The following PSEN1 variants were observed in gnomAD, a reference collection of about 807,000 sequenced individuals.
PSEN1 encodes the protein presenilin-1.
Under a neutral mutation model 53.5 loss-of-function variants are expected in PSEN1, and 15 were observed. That is an observed-to-expected ratio of 0.28 (90% CI 0.19 to 0.43). PSEN1 has a LOEUF of 0.43. PSEN1 is among the 20% of genes least tolerant of loss of function. The pLI, the probability that PSEN1 is intolerant of heterozygous loss-of-function variation, is 1.00. For synonymous variants in PSEN1, 208 were observed against 209.8 expected (o/e 0.99, Z 0.08); for missense variants, 387 against 571.2 (o/e 0.68, Z 3.29).
chr14:73,160,573 T>C (rs1001089082), intron 3 of PSEN1, among the ~76,000 whole-genome samples: 1 of 152,140 alleles, frequency 6.6e-6, no homozygotes, highest in African/African-American at 2.4e-5. Context: ...TTACTTTCTG[T>C]TTTTTGGTAG....
Position 73,211,811 on chromosome 14 carries a change from A to T in PSEN1, c.998A>T (p.Asp333Val), listed in dbSNP as rs121917809. The change falls in exon 10 of 12, where the codon GAT becomes GTT. Residue 333 changes from aspartate to valine, a missense_variant. Asp to Val is a radical substitution (Grantham distance 152, BLOSUM62 -3). Transcript: ENST00000324501. ...CAAGACACTGTTGCAGAGAATGATG[A>T]TGGCGGGTTCAGTGAGGAATGGGAA... ...ESQDTVAEND[D>V]GGFSEEWEAQ... 1 of 1,614,006 alleles carries T rather than the reference A, an allele frequency of 6.2e-7. No individual in the cohort carries two copies. The highest frequency in any genetic ancestry group is 8.5e-7 in the Non-Finnish European group (1 of 1,180,014).
Position 73,206,454 on chromosome 14 carries a change from T to TC in PSEN1, c.939dup (p.Lys314GlnfsTer3). 1 of 1,613,596 alleles carries TC rather than the reference T, an allele frequency of 6.2e-7. No homozygotes were observed. Among genetic ancestry groups the TC allele is most frequent in the Non-Finnish European group, 8.5e-7 (1 of 1,179,494 alleles). On this transcript the variant is annotated frameshift_variant, in exon 9 of 12. Coordinates refer to ENST00000324501, the MANE Select transcript of PSEN1 (RefSeq NM_000021.4). LOFTEE classifies it high-confidence loss of function. ...AGCTCAAAGGAGAGTATCCAAAAAT[T>TC]CCAAGTATAATGCAGAAAGTAGGTA...
chr14:73,186,051 CCAGAA>C (rs2140077934), intron 5 of PSEN1, among the ~76,000 whole-genome samples: 2 of 152,204 alleles, frequency 1.3e-5, no homozygotes, highest in African/African-American at 4.8e-5. Context: ...TGGAAGAACA[CCAGAA>C]ACAACTTTGT....
At chr14:73,214,105 A>G (rs183795600) in intron 10 of PSEN1, among the ~76,000 whole-genome samples, 17 of 152,368 alleles carry the variant, frequency 1.1e-4, no homozygotes, top group Non-Finnish European at 2.1e-4. Flanking sequence ...ATAAGTGGAT[A>G]ATAAATGTGG....
In PSEN1 at chr14:73,219,126, C is replaced by G. The variant is rs770414902; in HGVS notation, c.1249-8C>G. The G allele has an allele frequency of 6.8e-6, 11 of 1,613,754 alleles. No homozygotes were observed. The Admixed American group carries it at 1.7e-4, about 24-fold the overall frequency. On this transcript the variant is annotated splice_polypyrimidine_tract_variant and splice_region_variant and intron_variant, in intron 11 of 11. Coordinates refer to ENST00000324501, the MANE Select transcript of PSEN1 (RefSeq NM_000021.4). ...TGTGAATGTGTGTCTTTCCCATCTT[C>G]TCCACAGGGTTTGTGCCTTACATTA...
chr14:73,143,848 A>G (rs1055953417), intron 1 of PSEN1, among the ~76,000 whole-genome samples: 1 of 151,956 alleles, frequency 6.6e-6, no homozygotes, highest in African/African-American at 2.4e-5. Context: ...TTCTCTAAAT[A>G]AAAAACTAGC....
Position 73,202,437 on chromosome 14 carries a change from TATATATATATATATATATATATATA to T in PSEN1, c.869-3948_869-3924del, listed in dbSNP as rs1343232111. Among the ~76,000 whole-genome samples the T allele has an allele frequency of 3.8e-3, 58 of 15,188 alleles. 2 individuals carry two copies. The highest frequency in any genetic ancestry group is 5.3e-3 in the African/African-American group (17 of 3,226). 10.0% of individuals were successfully genotyped at this position (15,188 alleles called of 152,430 possible). A position where few individuals can be genotyped will look rare whatever the true frequency, so the allele number is the denominator to read the frequency against. ...CACATACTATATATATATATATATA[TATATATATATATATATATATATATA>T]TTTTTTTTTTTTTTTTTTTTTTTTT... is the stretch of plus-strand genomic sequence containing the variant. On this transcript the variant is annotated intron_variant, in intron 8 of 11. Coordinates refer to ENST00000324501, the MANE Select transcript of PSEN1 (RefSeq NM_000021.4).
chr14:73,171,131 C>A, intron 4 of PSEN1, 84 bp downstream of exon 4: 2 of 1,532,920 alleles, frequency 1.3e-6, no homozygotes, highest in Non-Finnish European at 1.8e-6. Flanking sequence ...AAGGCCTCTG[C>A]ATTGAAGGGG....
chr14:73,174,558 G>A (rs1366537175), intron 5 of PSEN1, among the ~76,000 whole-genome samples: 1 of 152,160 alleles, frequency 6.6e-6, no homozygotes, highest in Non-Finnish European at 1.5e-5. Context: ...TATTTTGATT[G>A]ACAGTATACT....
chr14:73,218,982 T>A, intron 11 of PSEN1, 152 bp from the exon 12 acceptor site: 1 of 829,678 alleles, frequency 1.2e-6, no homozygotes, highest in South Asian at 1.5e-5. Context: ...ATAGCTCTTC[T>A]TCCAGATTGA....
chr14:73,174,073 TATG>T, intron 5 of PSEN1: 1 of 316,878 alleles, frequency 3.2e-6, no homozygotes, highest in Non-Finnish European at 5.7e-6. Flanking sequence ...ATATATATAT[TATG>T]ATTAGTTATC....
At chr14:73,210,937 A>G (rs1291108861) in intron 9 of PSEN1, among the ~76,000 whole-genome samples, 1 of 152,202 alleles carries the variant, frequency 6.6e-6, no homozygotes, top group Non-Finnish European at 1.5e-5. Context: ...ACCATTTTCA[A>G]TGAGATTGAT....
chr14:73,191,882 T>C (rs999803386), intron 6 of PSEN1, among the ~76,000 whole-genome samples: 20 of 152,182 alleles, frequency 1.3e-4, no homozygotes, highest in Non-Finnish European at 2.6e-4. Context: ...CTAAATCTCA[T>C]TGTATGAAAA....
At chr14:73,136,486 CGGGGTCCGCGGTTTCACATCG>C (rs1382442581) in exon 1 of PSEN1, 1 of 152,896 alleles carries the variant, frequency 6.5e-6, no homozygotes, top group Non-Finnish European at 1.5e-5. Context: ...CAGGCAGCTC[CGGGGTCCGCGGTTTCACATCG>C]GAAACAAAAC....
intron 10 of PSEN1, among the ~76,000 whole-genome samples, chr14:73,215,446 G>A (rs1487971850): frequency 1.3e-5 from 2 of 151,932 alleles, no homozygotes; most frequent in African/African-American, 4.8e-5. Context: ...AGCCGGGCGT[G>A]GTGGCGCATG....
At chr14:73,183,902 G>T (rs1297470522) in intron 5 of PSEN1, among the ~76,000 whole-genome samples, 1 of 129,714 alleles carries the variant, frequency 7.7e-6, no homozygotes, top group Non-Finnish European at 1.6e-5. Flanking sequence ...CACCTCCCGG[G>T]CGGGGCGGCT....
At chr14:73,217,973 A>ATG (rs1899986065) in intron 11 of PSEN1, among the ~76,000 whole-genome samples, 1 of 151,440 alleles carries the variant, frequency 6.6e-6, no homozygotes, top group African/African-American at 2.4e-5. Flanking sequence ...TTTTTAGTAG[A>ATG]AACAGGGTTT....
At chr14:73,196,825 A>G (rs1054828979) in intron 7 of PSEN1, among the ~76,000 whole-genome samples, 1 of 152,044 alleles carries the variant, frequency 6.6e-6, no homozygotes, top group African/African-American at 2.4e-5. Context: ...TAATGTGAAT[A>G]CAAGTTATCA....
rs63751164 is a variant in PSEN1, at chr14:73,211,874, C to T, written c.1061C>T (p.Thr354Ile). The T allele has an allele frequency of 3.1e-6, 5 of 1,613,932 alleles. No homozygotes were observed. The Admixed American group carries it at 6.7e-5, about 22-fold the overall frequency. The change falls in exon 10 of 12, where the codon ACA becomes ATA. Residue 354 changes from threonine (T) to isoleucine (I), a missense_variant. Around this residue, in one of 4 missense-constraint regions of PSEN1, gnomAD observed 75 missense variants for 63.7 expected, o/e 1.18. Coordinates refer to ENST00000324501, the MANE Select transcript of PSEN1 (RefSeq NM_000021.4). The part of the protein sequence containing the change: ...RDSHLGPHRS[T>I]PESRAAVQEL... ...AGTCATCTAGGGCCTCATCGCTCTACACCTGAGTCACGAGCTGCTGTCCAG... is the reference window on the plus strand; with the variant it reads ...AGTCATCTAGGGCCTCATCGCTCTATACCTGAGTCACGAGCTGCTGTCCAG...
Sources: gnomAD v4.1 joint callset for allele counts (sites outside exome capture counted in the v4.1 genomes callset) on GRCh38, gnomAD v4.1.1 for gene constraint, gnomAD v4.1.1 regional missense constraint, MANE v1.5 for transcripts, NCBI Gene and HGNC (gene_info 2026-07-23, HGNC 2026-07-21) for gene names.